Variants in GPR20 observed in about 807,000 individuals in gnomAD.
The protein encoded by GPR20 is CTD-3064M3.3.
For missense variants in GPR20, 494 were observed against 527.4 expected (o/e 0.94, Z 0.62); for synonymous variants, 241 against 241.9 (o/e 1.00, Z 0.04).
Position 141,363,123 on chromosome 8 carries a change from T to G in GPR20, c.-25+4078A>C, listed in dbSNP as rs566468883. On this transcript the variant is annotated intron_variant, in intron 1 of 1. Coordinates refer to ENST00000377741, the MANE Select transcript of GPR20 (RefSeq NM_005293.3). ...TCTACCACCCGCCACCTTCGAGGCC[T>G]CGGGCAAATCATTTCATCACTGGGA... Among the ~76,000 whole-genome samples the G allele has an allele frequency of 2.6e-4, 39 of 152,366 alleles. 1 individual carries two copies. The South Asian group carries it at 8.1e-3, about 32-fold the overall frequency.
In GPR20 at chr8:141,356,939, G is replaced by T; in HGVS notation, c.985C>A (p.His329Asn). The change falls in exon 2 of 2, where the codon CAC becomes AAC. Residue 329 changes from histidine (H) to asparagine (N), a missense_variant. His to Asn is a moderately conservative substitution (Grantham distance 68). Transcript: ENST00000377741. ...CGGCCTGAGCCCTTGGAGCTCCTGT[G>T]CATGCTGACCACGTCACCGCTGCTG... ...EPSSGDVVSM[H>N]RSSKGSGRHH... The T allele has an allele frequency of 6.2e-6, 10 of 1,612,898 alleles. No individual in the cohort carries two copies. The highest frequency in any genetic ancestry group is 8.5e-6 in the Non-Finnish European group (10 of 1,179,934).
intron 1 of GPR20, among the ~76,000 whole-genome samples, chr8:141,365,286 G>A (rs1586511980): frequency 6.6e-6 from 1 of 152,216 alleles, no homozygotes; most frequent in African/African-American, 2.4e-5. Flanking sequence ...ATGCCCCTGG[G>A]TGGGTGTTTC....
At chr8:141,364,737 C>A (rs561199475) in intron 1 of GPR20, among the ~76,000 whole-genome samples, 1 of 151,302 alleles carries the variant, frequency 6.6e-6, no homozygotes, top group East Asian at 1.9e-4. Flanking sequence ...GGAGGTCCTG[C>A]ATGTCACCTG....
chr8:141,356,805 C>A lies in GPR20; in HGVS notation c.*42G>T. 7.1e-7 allele frequency: 1 copy of A among 1,416,764 alleles called. No homozygotes were observed. 87.8% of individuals were successfully genotyped at this position (1,416,764 alleles called of 1,614,324 possible). A position where few individuals can be genotyped will look rare whatever the true frequency, so the allele number is the denominator to read the frequency against. On this transcript the variant is annotated 3_prime_UTR_variant, in exon 2 of 2. Transcript: ENST00000377741. ...TGGTGGGTGTCCACGCTGGCATGCC[C>A]AGATGAGTCCTGACCTTCGGCCCCT...
rs556702387 is a variant in GPR20, at chr8:141,366,700, C to T, written c.-25+501G>A. On this transcript the variant is annotated intron_variant, in intron 1 of 1. Coordinates refer to ENST00000377741, the MANE Select transcript of GPR20 (RefSeq NM_005293.3). Reference sequence around the variant, plus strand: ...GCGCTTGGAGCCCATGCCCACAAAGCCCTCACCATGGCCCTGCCCCAGCTG... The same window carrying T: ...GCGCTTGGAGCCCATGCCCACAAAGTCCTCACCATGGCCCTGCCCCAGCTG... Among the ~76,000 whole-genome samples the T allele has an allele frequency of 3.9e-4, 60 of 152,248 alleles. 1 individual carries two copies. The highest frequency in any genetic ancestry group is 1.3e-3 in the African/African-American group (53 of 41,564).
At chr8:141,364,776 G>A (rs1157004577) in intron 1 of GPR20, among the ~76,000 whole-genome samples, 1 of 150,846 alleles carries the variant, frequency 6.6e-6, no homozygotes, top group Non-Finnish European at 1.5e-5. Context: ...CCCATCATTG[G>A]GTTCATTGCT....
chr8:141,360,588 T>C (rs1831718343), intron 1 of GPR20, among the ~76,000 whole-genome samples: 1 of 152,116 alleles, frequency 6.6e-6, no homozygotes, highest in African/African-American at 2.4e-5. Flanking sequence ...CTCACCACCC[T>C]CTTTGTTCAG....
chr8:141,360,169 C>A (rs949483393), intron 1 of GPR20, among the ~76,000 whole-genome samples: 1 of 152,140 alleles, frequency 6.6e-6, no homozygotes, highest in African/African-American at 2.4e-5. Context: ...GTGCTGGACA[C>A]CCCAGAGGCC....
chr8:141,362,770 CTCTT>C lies in GPR20; in HGVS notation c.-25+4427_-25+4430del, dbSNP rs545072324. The stretch of plus-strand genomic sequence containing the variant: ...TCCCACCCTCTATCTCCCATCACCA[CTCTT>C]TCTTTCTTTCTTTTTTTTTTTTGAG... On this transcript the variant is annotated intron_variant, in intron 1 of 1. Transcript: ENST00000377741. Among the ~76,000 whole-genome samples, 19 of 150,006 alleles carry C rather than the reference CTCTT, an allele frequency of 1.3e-4. No homozygotes were observed. The East Asian group carries it at 3.3e-3, about 26-fold the overall frequency.
intron 1 of GPR20, 45 bp from the exon 2 acceptor site, chr8:141,357,992 T>A: frequency 2.0e-6 from 2 of 986,746 alleles, no homozygotes; most frequent in Non-Finnish European, 2.9e-6. Flanking sequence ...AGCCTGGCCT[T>A]AAGCCCTGCC....
chr8:141,359,079 T>A (rs1831695400), intron 1 of GPR20, among the ~76,000 whole-genome samples: 1 of 149,752 alleles, frequency 6.7e-6, no homozygotes, highest in South Asian at 2.1e-4. Flanking sequence ...CATTTCTGGC[T>A]TTTTCAGGAG....
intron 1 of GPR20, among the ~76,000 whole-genome samples, chr8:141,359,828 T>C (rs1171300485): frequency 6.6e-6 from 1 of 152,140 alleles, no homozygotes; most frequent in Non-Finnish European, 1.5e-5. Context: ...GATGAAACGC[T>C]CTCAGAAAAG....
Position 141,357,093 on chromosome 8 carries a change from C to A in GPR20, c.831G>T (p.Val277=). The A allele has an allele frequency of 6.2e-7, 1 of 1,612,528 alleles. No homozygotes were observed. The highest frequency in any genetic ancestry group is 1.1e-5 in the South Asian group (1 of 91,064). The change falls in exon 2 of 2, where the codon GTG becomes GTT. Residue 277 remains valine (V), a synonymous_variant. Transcript: ENST00000377741. The stretch of plus-strand genomic sequence containing the variant: ...TGAGGGTCACGGCCACGTGGTAGAC[C>A]ACGAGGCTCGTGTGGTGTGGCATGT... The part of the protein sequence containing the change: ...WPDMPHHTSL[V]VYHVAVTLSS...
chr8:141,361,632 C>T (rs1831734970), intron 1 of GPR20, among the ~76,000 whole-genome samples: 1 of 152,182 alleles, frequency 6.6e-6, no homozygotes, highest in African/African-American at 2.4e-5. Context: ...CCACACTACT[C>T]ACTGCCCCCG....
Position 141,357,883 on chromosome 8 carries a change from A to C in GPR20, c.41T>G (p.Val14Gly), listed in dbSNP as rs749048496. Residue 14 changes from valine (V) to glycine (G), a missense_variant, in exon 2 of 2, where the codon GTC becomes GGC. Coordinates refer to ENST00000377741, the MANE Select transcript of GPR20 (RefSeq NM_005293.3). Reference protein sequence around the residue: ...VSPAGPSAGAVPNATAVTTVR... With the variant: ...VSPAGPSAGAGPNATAVTTVR... ...TGTTGTCACTGCGGTGGCATTGGGG[A>C]CTGCCCCGGCCGAGGGCCCCGCTGG... 1 of 1,598,916 alleles carries C rather than the reference A, an allele frequency of 6.3e-7. No individual in the cohort carries two copies. Among genetic ancestry groups the C allele is most frequent in the South Asian group, 1.1e-5 (1 of 89,862 alleles).
At chr8:141,365,441 G>A (rs373395858) in intron 1 of GPR20, among the ~76,000 whole-genome samples, 105 of 152,338 alleles carry the variant, frequency 6.9e-4, no homozygotes, top group African/African-American at 2.1e-3. Context: ...AGCCTTCTGC[G>A]GCACCCAGCC....
At position 141,357,659 on chromosome 8, in the gene GPR20, C is replaced by T. The variant is rs1831671003; in HGVS notation, c.265G>A (p.Val89Ile). 1 of 1,613,964 alleles carries T rather than the reference C, an allele frequency of 6.2e-7. No individual in the cohort carries two copies. Among genetic ancestry groups the T allele is most frequent in the Non-Finnish European group, 8.5e-7 (1 of 1,180,018 alleles). The change falls in exon 2 of 2, where the codon GTC becomes ATC. Residue 89 changes from valine (V) to isoleucine (I), a missense_variant. Physicochemically the swap from Val to Ile is conservative, Grantham distance 29. Coordinates refer to ENST00000377741, the MANE Select transcript of GPR20 (RefSeq NM_005293.3). ...CCRTRAKTPS[V>I]IYTINLVVTD... Reference sequence around the variant, plus strand: ...ACCACCAGGTTGATGGTGTAGATGACTGAGGGTGTCTTGGCCCGGGTGCGG... The same window carrying T: ...ACCACCAGGTTGATGGTGTAGATGATTGAGGGTGTCTTGGCCCGGGTGCGG...
chr8:141,356,856 G>A lies in GPR20; in HGVS notation c.1068C>T (p.Pro356=), dbSNP rs771391558. The A allele has an allele frequency of 1.5e-5, 24 of 1,592,668 alleles. No individual in the cohort carries two copies. The South Asian group carries it at 1.9e-4, about 13-fold the overall frequency. ...GGCAGAGCCCTGCTGACTAAGCCTC[G>A]GGCCCATTAGCCAGGGCCTGGGTGA... The part of the protein sequence containing the change: ...HALTQALANG[P]EA The change falls in exon 2 of 2, where the codon CCC becomes CCT. Residue 356 remains proline, a synonymous_variant. Coordinates refer to ENST00000377741, the MANE Select transcript of GPR20 (RefSeq NM_005293.3).
chr8:141,356,999 G>T lies in GPR20; in HGVS notation c.925C>A (p.Arg309=), dbSNP rs752493554. ...FVTSGFQATV[R]GLFGQHGERE... is the part of the protein sequence containing the mutation. ...TCTCCGTGCTGGCCGAAGAGGCCTCGGACGGTGGCCTGGAAGCCACTGGTG... is the reference window on the plus strand; with the variant it reads ...TCTCCGTGCTGGCCGAAGAGGCCTCTGACGGTGGCCTGGAAGCCACTGGTG... Residue 309 remains arginine (R), a synonymous_variant, in exon 2 of 2, where the codon CGA becomes AGA. Transcript: ENST00000377741. 5 of 1,612,982 alleles carry T rather than the reference G, an allele frequency of 3.1e-6. No homozygotes were observed. The highest frequency in any genetic ancestry group is 4.2e-6 in the Non-Finnish European group (5 of 1,179,912).
Sources: gnomAD v4.1 joint callset for allele counts (sites outside exome capture counted in the v4.1 genomes callset) on GRCh38, gnomAD v4.1.1 for gene constraint, MANE v1.5 for transcripts, NCBI Gene and HGNC (gene_info 2026-07-23, HGNC 2026-07-21) for gene names.